Variants in CCDC12 observed in about 807,000 individuals in gnomAD.
CCDC12 encodes the protein coiled-coil domain containing 12.
CCDC12 carries 28 observed loss-of-function variants against 25.7 expected under a neutral mutation model. The observed-to-expected ratio is 1.09, with a 90% CI of 0.81 to 1.50. The LOEUF (loss-of-function observed/expected upper bound fraction) is 1.50, where lower values mean the gene tolerates loss of function less well. CCDC12 is among the 40% of genes most tolerant of loss of function. CCDC12 has a pLI of 0.00. For missense variants in CCDC12, 198 were observed against 210.0 expected (o/e 0.94, Z 0.35); for synonymous variants, 75 against 87.7 (o/e 0.86, Z 0.81).
Position 46,925,493 on chromosome 3 carries a change from C to T in CCDC12, c.207G>A (p.Leu69=). ...LRNYVPEDED[L]KKRRVPQAKP... ...TGGCCTGGGGCACCCTCCTCTTCTT[C>T]AGGTCCTCATCCTCCGGGACATAGT... The change falls in exon 3 of 7, where the codon CTG becomes CTA. Residue 69 remains leucine (L), a synonymous_variant. Coordinates refer to ENST00000683445, the MANE Select transcript of CCDC12 (RefSeq NM_001277074.2). 1 of 1,608,040 alleles carries T rather than the reference C, an allele frequency of 6.2e-7. No homozygotes were observed. The highest frequency in any genetic ancestry group is 1.1e-5 in the South Asian group (1 of 90,618).
At chr3:46,945,347 C>T (rs1321071628) in intron 1 of CCDC12, among the ~76,000 whole-genome samples, 2 of 152,226 alleles carry the variant, frequency 1.3e-5, no homozygotes, top group Non-Finnish European at 2.9e-5. Flanking sequence ...TGGGGCCCTC[C>T]CCATAGCCTA....
intron 4 of CCDC12, 112 bp from the exon 5 acceptor site, chr3:46,923,475 G>C (rs758629999): frequency 2.0e-6 from 3 of 1,474,880 alleles, no homozygotes; most frequent in Non-Finnish European, 2.8e-6. Flanking sequence ...GGAGAGGGAC[G>C]AGAGCAAAGG....
Position 46,933,442 on chromosome 3 carries a change from A to G in CCDC12, c.164+7556T>C, listed in dbSNP as rs537792246. ...ACGTGTTGGCACCAAGGCCTACCCA[A>G]AGGCCCCTGAGGGATGGCTTATAAG... On this transcript the variant is annotated intron_variant, in intron 2 of 6. Transcript: ENST00000683445. 8.5e-5 allele frequency among the ~76,000 whole-genome samples: 13 copies of G among 152,274 alleles called. No homozygotes were observed. The East Asian group carries it at 1.9e-3, about 23-fold the overall frequency.
chr3:46,957,952 AAAAT>A (rs1329612394), intron 1 of CCDC12, among the ~76,000 whole-genome samples: 2 of 76,540 alleles, frequency 2.6e-5, no homozygotes, highest in Admixed American at 1.4e-4. Context: ...CAAAAATAAA[AAAAT>A]AAATACACAC....
intron 2 of CCDC12, among the ~76,000 whole-genome samples, chr3:46,940,178 T>C (rs1559554118): frequency 6.6e-6 from 1 of 152,198 alleles, no homozygotes; most frequent in Non-Finnish European, 1.5e-5. Context: ...CAGCACAGCT[T>C]TGCCTCGCTC....
At position 46,968,017 on chromosome 3, in the gene CCDC12, G is replaced by C. The variant is rs1008128976; in HGVS notation, c.96+8620C>G. ...CAACCCAACGAACAGGTAGGTCTGA[G>C]AAACTCAGATAAATCCAACACCATC... On this transcript the variant is annotated intron_variant, in intron 1 of 6. Coordinates refer to ENST00000683445, the MANE Select transcript of CCDC12 (RefSeq NM_001277074.2). Among the ~76,000 whole-genome samples the C allele has an allele frequency of 2.6e-5, 4 of 152,182 alleles. No homozygotes were observed. The East Asian group carries it at 7.7e-4, about 29-fold the overall frequency.
intron 1 of CCDC12, among the ~76,000 whole-genome samples, chr3:46,970,921 A>C (rs749628027): frequency 2.1e-4 from 32 of 152,214 alleles, no homozygotes; most frequent in Non-Finnish European, 3.1e-4. Flanking sequence ...TTCAAATACA[A>C]TACAGAAAAG....
At chr3:46,949,179 G>A (rs1245044896) in intron 1 of CCDC12, among the ~76,000 whole-genome samples, 1 of 152,192 alleles carries the variant, frequency 6.6e-6, no homozygotes, top group Non-Finnish European at 1.5e-5. Flanking sequence ...CAACAGCCAG[G>A]GAAGGCAGTG....
upstream of CCDC12, among the ~76,000 whole-genome samples, chr3:46,977,874 A>C (rs1376151495): frequency 6.6e-6 from 1 of 152,240 alleles, no homozygotes; most frequent in Non-Finnish European, 1.5e-5. Flanking sequence ...ACCCAGCAGA[A>C]GCTGCCAGAG....
Position 46,923,437 on chromosome 3 carries a change from A to T in CCDC12, c.307-74T>A, listed in dbSNP as rs1457708438. ...AAGGGGGAGGGCAGGCTCGAGAAGG[A>T]GGGAAATGGGAGAAAGAGGAGGAGG... On this transcript the variant is annotated intron_variant, in intron 4 of 6. Coordinates refer to ENST00000683445, the MANE Select transcript of CCDC12 (RefSeq NM_001277074.2). 4 of 1,549,868 alleles carry T rather than the reference A, an allele frequency of 2.6e-6. No individual in the cohort carries two copies. The African/African-American group carries it at 5.4e-5, about 21-fold the overall frequency.
chr3:46,980,362 C>G (rs2035236346), upstream of CCDC12, among the ~76,000 whole-genome samples: 1 of 152,204 alleles, frequency 6.6e-6, no homozygotes, highest in East Asian at 1.9e-4. Flanking sequence ...TCGTGGCCAA[C>G]GGGTCTGGGG....
At chr3:46,927,016 C>T (rs1468714327) in intron 2 of CCDC12, among the ~76,000 whole-genome samples, 1 of 152,192 alleles carries the variant, frequency 6.6e-6, no homozygotes, top group African/African-American at 2.4e-5. Context: ...CTTTCAGATG[C>T]TATTCACTCT....
chr3:46,965,576 G>A (rs780911429), intron 1 of CCDC12, among the ~76,000 whole-genome samples: 5 of 152,182 alleles, frequency 3.3e-5, no homozygotes, highest in South Asian at 2.1e-4. Context: ...CAAACTGAAC[G>A]GGGTCCCATT....
intron 1 of CCDC12, among the ~76,000 whole-genome samples, chr3:46,955,734 G>A (rs181286643): frequency 1.1e-3 from 173 of 152,330 alleles, no homozygotes; most frequent in African/African-American, 3.9e-3. Flanking sequence ...ATTTAGCAAA[G>A]CCCAGAAAGC....
At chr3:46,927,954 G>A (rs1169717282) in intron 2 of CCDC12, among the ~76,000 whole-genome samples, 2 of 152,194 alleles carry the variant, frequency 1.3e-5, no homozygotes, top group African/African-American at 4.8e-5. Context: ...AGGAGCATGG[G>A]GGGGTTCAGC....
chr3:46,970,648 C>A (rs1237245306), intron 1 of CCDC12, among the ~76,000 whole-genome samples: 1 of 152,236 alleles, frequency 6.6e-6, no homozygotes, highest in Non-Finnish European at 1.5e-5. Context: ...CAGCCAGTCT[C>A]CCTGTCTCAG....
At chr3:46,972,987 CT>C (rs893939888) in intron 1 of CCDC12, among the ~76,000 whole-genome samples, 5 of 151,772 alleles carry the variant, frequency 3.3e-5, no homozygotes, top group African/African-American at 9.7e-5. Context: ...ATATAAACCC[CT>C]GATTTTAGTT....
At chr3:46,925,145 C>T (rs750330099) in intron 3 of CCDC12, 1 of 523,798 alleles carries the variant, frequency 1.9e-6, no homozygotes, top group Non-Finnish European at 3.7e-6. Flanking sequence ...TGACCACATC[C>T]ACTTCTCAGC....
intron 1 of CCDC12, among the ~76,000 whole-genome samples, chr3:46,941,703 G>A (rs998796296): frequency 6.6e-6 from 1 of 152,184 alleles, no homozygotes; most frequent in Admixed American, 6.5e-5. Context: ...CCATGGAGGG[G>A]CCATGCTGGC....
Sources: allele counts gnomAD v4.1 joint callset (sites outside exome capture counted in the v4.1 genomes callset), GRCh38; gene constraint gnomAD v4.1.1; transcripts MANE v1.5; gene names NCBI Gene and HGNC (gene_info 2026-07-23, HGNC 2026-07-21).